The following DOK2 variants were observed in gnomAD, a reference collection of about 807,000 sequenced individuals.
DOK2 encodes docking protein 2.
In DOK2, 28 loss-of-function variants were observed where a neutral mutation model predicts 26.0. The observed-to-expected ratio is 1.08, with a 90% CI of 0.80 to 1.48. The LOEUF (loss-of-function observed/expected upper bound fraction) is 1.48. DOK2 is among the 40% of genes most tolerant of loss of function. DOK2 has a pLI of 0.00. For missense variants in DOK2, 682 were observed against 558.2 expected (o/e 1.22, Z -2.23); for synonymous variants, 282 against 236.9 (o/e 1.19, Z -1.75).
Position 21,912,287 on chromosome 8 carries a change from G to T in DOK2, c.287C>A (p.Ala96Glu), listed in dbSNP as rs1480070528. ...LETKERLYLL[A>E]APAAERGDWV... The stretch of plus-strand genomic sequence containing the variant: ...GTCGCCGCGCTCCGCTGCAGGGGCC[G>T]CCAGGAGGTACAGGCGCTCCTTGGT... The change falls in exon 2 of 5, where the codon GCG (alanine) becomes GAG (glutamate). Residue 96 changes from alanine (A) to glutamate (E), a missense_variant. Ala to Glu is a moderately radical substitution (Grantham distance 107, BLOSUM62 -1). Coordinates refer to ENST00000276420, the MANE Select transcript of DOK2 (RefSeq NM_003974.4). 2 of 1,592,564 alleles carry T rather than the reference G, an allele frequency of 1.3e-6. No individual in the cohort carries two copies. The highest frequency in any genetic ancestry group is 1.7e-6 in the Non-Finnish European group (2 of 1,172,034).
intron 4 of DOK2, 120 bp downstream of exon 4, chr8:21,910,553 A>G: frequency 1.6e-6 from 2 of 1,289,028 alleles, no homozygotes; most frequent in Non-Finnish European, 2.2e-6. Context: ...TTGTCACTCT[A>G]TTCTTTGCTT....
chr8:21,910,956 T>C, intron 3 of DOK2, 99 bp from the exon 4 acceptor site: 1 of 1,316,542 alleles, frequency 7.6e-7, no homozygotes, highest in Non-Finnish European at 1.0e-6. Context: ...AGAACTTTTC[T>C]AGAAAGTATT....
Position 21,909,931 on chromosome 8 carries a change from C to G in DOK2, c.619G>C (p.Val207Leu), listed in dbSNP as rs760091778. 2.9e-5 allele frequency: 46 copies of G among 1,606,278 alleles called. No individual in the cohort carries two copies. Among genetic ancestry groups the G allele is most frequent in the Non-Finnish European group, 3.8e-5 (45 of 1,177,956 alleles). ...RFLRRFGRDK[V>L]TFSFEAGRRC... ...CGGCCTGCCTCAAAGGAAAAGGTTA[C>G]CTGGACCAGGGAGAAAGCAGGTTAT... The change falls in exon 5 of 5, where the codon GTA (valine) becomes CTA (leucine). Residue 207 changes from valine to leucine, a missense_variant and splice_region_variant. Val to Leu is a conservative substitution (Grantham distance 32). Coordinates refer to ENST00000276420, the MANE Select transcript of DOK2 (RefSeq NM_003974.4).
chr8:21,912,553 C>T (rs1356823819), intron 1 of DOK2, 43 bp from the exon 2 acceptor site: 1 of 1,458,234 alleles, frequency 6.9e-7, no homozygotes, highest in Admixed American at 2.5e-5. Context: ...GGGAGCCACC[C>T]AGAGACGGGG....
rs1554507540 is a variant in DOK2, at chr8:21,909,455, A to AC, written c.1094dup (p.Glu366Ter). The AC allele has an allele frequency of 1.2e-6, 2 of 1,613,116 alleles. No homozygotes were observed. Among genetic ancestry groups the AC allele is most frequent in the Non-Finnish European group, 1.7e-6 (2 of 1,179,452 alleles). ...CTGTCGCCTGCCTCCTCCATGCCTC[A>AC]CCCCGGGGCTCCTGCGGGCTGTCAT... On this transcript the variant is annotated frameshift_variant, in exon 5 of 5. Transcript: ENST00000276420. LOFTEE classifies it low-confidence loss of function (END_TRUNC).
rs762782810 is a variant in DOK2 at position 21,909,513 on chromosome 8, T to C, written c.1037A>G (p.Asp346Gly). 3.7e-5 allele frequency: 60 copies of C among 1,614,040 alleles called. No homozygotes were observed. Among genetic ancestry groups the C allele is most frequent in the Non-Finnish European group, 5.0e-5 (59 of 1,180,000 alleles). The change falls in exon 5 of 5, where the codon GAT (aspartate) becomes GGT (glycine). Residue 346 changes from aspartate (D) to glycine (G), a missense_variant. Physicochemically the swap from Asp to Gly is moderately conservative, Grantham distance 94. Coordinates refer to ENST00000276420, the MANE Select transcript of DOK2 (RefSeq NM_003974.4). ...TLPPRPDHIYDEPEGVAALSL... is the reference protein window; with the variant it reads ...TLPPRPDHIYGEPEGVAALSL... ...CAGGGCAGCCACTCCCTCGGGCTCA[T>C]CGTATATGTGGTCAGGTCGAGGGGG...
chr8:21,911,860 A>AT, intron 3 of DOK2, 41 bp downstream of exon 3: 3 of 1,526,372 alleles, frequency 2.0e-6, no homozygotes, highest in Non-Finnish European at 2.6e-6. Flanking sequence ...CACCCTGGGG[A>AT]GAGCCCCCAG....
chr8:21,911,176 A>C, intron 3 of DOK2: 6 of 321,068 alleles, frequency 1.9e-5, no homozygotes, highest in East Asian at 7.0e-5. Flanking sequence ...CTCACCCCAA[A>C]CCAGCCACCA....
rs1447111026 is a variant in DOK2, at chr8:21,912,303, GCTCCTTGGT to G, written c.262_270del (p.Thr88_Glu90del). Reference sequence around the variant, plus strand: ...GCAGGGGCCGCCAGGAGGTACAGGCGCTCCTTGGTCTCCAGGAAGAAGGCACTGGTGTCC... The same window carrying G: ...GCAGGGGCCGCCAGGAGGTACAGGCGCTCCAGGAAGAAGGCACTGGTGTCC... On this transcript the variant is annotated inframe_deletion, in exon 2 of 5. Transcript: ENST00000276420. 6.2e-7 allele frequency: 1 copy of G among 1,601,000 alleles called. No individual in the cohort carries two copies. Among genetic ancestry groups the G allele is most frequent in the Non-Finnish European group, 8.5e-7 (1 of 1,175,752 alleles).
In DOK2 at chr8:21,913,537, A is replaced by G; in HGVS notation, c.63+2T>C. On this transcript the variant is annotated splice_donor_variant, in intron 1 of 4. Transcript: ENST00000276420. LOFTEE classifies it high-confidence loss of function. Reference sequence around the variant, plus strand: ...CCAACCCCAGCCCAGCCTCACTCCTACCTTTCCAAACGTCTGCTGCTGCTG... The same window carrying G: ...CCAACCCCAGCCCAGCCTCACTCCTGCCTTTCCAAACGTCTGCTGCTGCTG... 6.2e-7 allele frequency: 1 copy of G among 1,613,670 alleles called. No homozygotes were observed. The highest frequency in any genetic ancestry group is 8.5e-7 in the Non-Finnish European group (1 of 1,179,920).
rs760556468 is a variant in DOK2, at chr8:21,910,870, AGAGAGAG to A, written c.434-20_434-14del. On this transcript the variant is annotated splice_polypyrimidine_tract_variant and intron_variant, in intron 3 of 4. Coordinates refer to ENST00000276420, the MANE Select transcript of DOK2 (RefSeq NM_003974.4). ...TTGTGGGGGCCGACTGGGGAGAAGA[AGAGAGAG>A]AAGGCGAAGGCAGTTAATGGGAAAC... The A allele has an allele frequency of 8.0e-7, 1 of 1,257,678 alleles. No individual in the cohort carries two copies. Among genetic ancestry groups the A allele is most frequent in the East Asian group, 4.6e-5 (1 of 21,844 alleles). 77.9% of individuals were successfully genotyped at this position (1,257,678 alleles called of 1,614,324 possible). A position where few individuals can be genotyped will look rare whatever the true frequency, so the allele number is the denominator to read the frequency against.
Position 21,908,925 on chromosome 8 carries a change from G to C in DOK2, c.*386C>G, listed in dbSNP as rs1270843431. The C allele has an allele frequency of 5.7e-6, 1 of 174,892 alleles. No individual in the cohort carries two copies. The highest frequency in any genetic ancestry group is 1.2e-5 in the Non-Finnish European group (1 of 83,570). The allele number at this position is 174,892 out of a possible 1,614,324, so 10.8% of individuals were successfully genotyped here. A position where few individuals can be genotyped will look rare whatever the true frequency, so the allele number is the denominator to read the frequency against. The stretch of plus-strand genomic sequence containing the variant: ...AGAAATCTGAAAGGTGCAGGAAGCT[G>C]CCGCCATCCCCCTGGGTGCCTGGGC... On this transcript the variant is annotated 3_prime_UTR_variant, in exon 5 of 5. Coordinates refer to ENST00000276420, the MANE Select transcript of DOK2 (RefSeq NM_003974.4).
In DOK2 at chr8:21,909,673, G is replaced by C. The variant is rs766774020; in HGVS notation, c.877C>G (p.Arg293Gly). The change falls in exon 5 of 5, where the codon CGG becomes GGG. Residue 293 changes from arginine (R) to glycine (G), a missense_variant. Coordinates refer to ENST00000276420, the MANE Select transcript of DOK2 (RefSeq NM_003974.4). ...ACGGCATACTCCCCCTCCTGGCCCC[G>C]AGGCCGTGGAGCAGGCACCGGTGTG... ...PTTPVPAPRP[R>G]GQEGEYAVPF... 6.2e-7 allele frequency: 1 copy of C among 1,613,084 alleles called. No homozygotes were observed. The highest frequency in any genetic ancestry group is 8.5e-7 in the Non-Finnish European group (1 of 1,180,022).
chr8:21,912,066 C>T, intron 2 of DOK2, 78 bp from the exon 3 acceptor site: 1 of 1,499,262 alleles, frequency 6.7e-7, no homozygotes, highest in Non-Finnish European at 8.9e-7. Context: ...TTTCAGGCCA[C>T]CTCAACCTGC....
intron 3 of DOK2, 87 bp from the exon 4 acceptor site, chr8:21,910,944 C>T: frequency 7.2e-7 from 1 of 1,398,102 alleles, no homozygotes; most frequent in Non-Finnish European, 9.6e-7. Context: ...AATGAGCGTA[C>T]CAGAACTTTT....
rs1251468467 is a variant in DOK2, at chr8:21,912,255, GCACCCA to G, written c.313_318del (p.Trp105_Val106del). On this transcript the variant is annotated inframe_deletion, in exon 2 of 5. Transcript: ENST00000276420. ...GGGAAGGCCAGGAGGCAGATGGCCT[GCACCCA>G]GTCGCCGCGCTCCGCTGCAGGGGCC... 2 of 1,571,946 alleles carry G rather than the reference GCACCCA, an allele frequency of 1.3e-6. No homozygotes were observed. Among genetic ancestry groups the G allele is most frequent in the Admixed American group, 3.6e-5 (2 of 55,306 alleles).
chr8:21,912,267 C>G lies in DOK2; in HGVS notation c.307G>C (p.Gly103Arg). The G allele has an allele frequency of 6.3e-7, 1 of 1,578,844 alleles. No individual in the cohort carries two copies. Among genetic ancestry groups the G allele is most frequent in the East Asian group, 2.4e-5 (1 of 42,444 alleles). Residue 103 changes from glycine (G) to arginine (R), a missense_variant, in exon 2 of 5, where the codon GGC becomes CGC. Transcript: ENST00000276420. ...YLLAAPAAER[G>R]DWVQAICLLA... Reference sequence around the variant, plus strand: ...AGGCAGATGGCCTGCACCCAGTCGCCGCGCTCCGCTGCAGGGGCCGCCAGG... The same window carrying G: ...AGGCAGATGGCCTGCACCCAGTCGCGGCGCTCCGCTGCAGGGGCCGCCAGG...
In DOK2 at chr8:21,909,534, G is replaced by C. The variant is rs779421891; in HGVS notation, c.1016C>G (p.Pro339Arg). ...LYDSIEETLPPRPDHIYDEPE... is the reference protein window; with the variant it reads ...LYDSIEETLPRRPDHIYDEPE... ...CTCATCGTATATGTGGTCAGGTCGA[G>C]GGGGCAGGGTCTCCTCAATGCTGTC... Residue 339 changes from proline to arginine, a missense_variant, in exon 5 of 5, where the codon CCT (proline) becomes CGT (arginine). By Grantham distance (103) the Pro-to-Arg change is moderately radical. Transcript: ENST00000276420. The C allele has an allele frequency of 8.7e-6, 14 of 1,614,188 alleles. No homozygotes were observed. The highest frequency in any genetic ancestry group is 1.6e-4 in the Middle Eastern group (1 of 6,062).
chr8:21,909,167 T>G lies in DOK2; in HGVS notation c.*144A>C. The G allele has an allele frequency of 1.9e-6, 2 of 1,034,816 alleles. No homozygotes were observed. The highest frequency in any genetic ancestry group is 2.8e-6 in the Non-Finnish European group (2 of 712,938). The allele number at this position is 1,034,816 out of a possible 1,614,324, so 64.1% of individuals were successfully genotyped here. ...GGATGGTGACTCACCCAGCAGGCCC[T>G]GGGAGAGGCAATTTATCAGCCCCAA... On this transcript the variant is annotated 3_prime_UTR_variant, in exon 5 of 5. Coordinates refer to ENST00000276420, the MANE Select transcript of DOK2 (RefSeq NM_003974.4).
Sources: allele counts gnomAD v4.1 joint callset, GRCh38; gene constraint gnomAD v4.1.1; transcripts MANE v1.5; gene names NCBI Gene and HGNC (gene_info 2026-07-23, HGNC 2026-07-21).